Variants in PRDM16 observed in about 807,000 individuals in gnomAD.
PRDM16 encodes histone-lysine N-methyltransferase PRDM16.
A neutral mutation model predicts 110.6 loss-of-function variants in PRDM16; 23 were observed. The ratio of observed to expected loss-of-function variants is 0.21; its 90% CI spans 0.15 to 0.29. PRDM16 has a LOEUF of 0.29. Among genes scored for constraint, PRDM16 ranks in the 10% least tolerant of loss-of-function variants. The probability of loss-of-function intolerance (pLI) is 1.00; values close to 1 mark genes in which losing one functional copy is unlikely to be tolerated. For missense variants in PRDM16, 1,615 were observed against 1,794.3 expected, an observed-to-expected ratio of 0.90 and a Z score of 1.81; for synonymous variants, 799 against 781.8, an observed-to-expected ratio of 1.02 and a Z score of -0.37.
At chr1:3,287,467 C>T (rs1424273444) in intron 3 of PRDM16, among the ~76,000 whole-genome samples, 9 of 80,142 alleles carry the variant, frequency 1.1e-4, no homozygotes, top group African/African-American at 4.2e-4. Context: ...GCCCCTGCCA[C>T]GCGGGCATCC....
At chr1:3,415,736 C>T (rs370189573) in intron 10 of PRDM16, among the ~76,000 whole-genome samples, 2 of 152,238 alleles carry the variant, frequency 1.3e-5, no homozygotes, top group East Asian at 1.9e-4. Flanking sequence ...TGCCCGCTGC[C>T]CCCACGGGCC....
chr1:3,137,258 A>G (rs1643458846), intron 1 of PRDM16, among the ~76,000 whole-genome samples: 1 of 152,020 alleles, frequency 6.6e-6, no homozygotes. Context: ...TCTTCTCCCC[A>G]CGCTGACCTG....
chr1:3,299,655 A>G (rs1224565259), intron 3 of PRDM16, among the ~76,000 whole-genome samples: 2 of 110,392 alleles, frequency 1.8e-5, no homozygotes, highest in African/African-American at 3.5e-5. Flanking sequence ...TGAAGATGCT[A>G]TGCTGTGGCC....
At chr1:3,113,919 T>C (rs1022479603) in intron 1 of PRDM16, among the ~76,000 whole-genome samples, 13 of 152,276 alleles carry the variant, frequency 8.5e-5, no homozygotes, top group Non-Finnish European at 1.5e-4. Context: ...CTGTTTCATT[T>C]TGAGGGAGAA....
intron 3 of PRDM16, among the ~76,000 whole-genome samples, chr1:3,372,013 C>T (rs1053218578): frequency 1.3e-5 from 2 of 152,232 alleles, no homozygotes; most frequent in African/African-American, 2.4e-5. Flanking sequence ...GAGCTGCTCC[C>T]GCTCAAATGT....
At chr1:3,298,527 G>A (rs182802553) in intron 3 of PRDM16, among the ~76,000 whole-genome samples, 140 of 152,362 alleles carry the variant, frequency 9.2e-4, no homozygotes, top group African/African-American at 3.2e-3. Context: ...GGAGAGGGCA[G>A]CCCCGGATGA....
At position 3,402,949 on chromosome 1, in the gene PRDM16, C is replaced by G; in HGVS notation, c.835C>G (p.Gln279Glu). The change falls in exon 6 of 17, where the codon CAA becomes GAA. Residue 279 changes from glutamine (Q) to glutamate (E), a missense_variant. By Grantham distance (29) the Gln-to-Glu change is conservative. Transcript: ENST00000270722. ...KPEGLGGGSG[Q>E]AHECKDCERM... ...CGAGGGCCTTGGCGGTGGCAGCGGCCAAGCCCACGAGTGCAAGGACTGCGA... is the reference window on the plus strand; with the variant it reads ...CGAGGGCCTTGGCGGTGGCAGCGGCGAAGCCCACGAGTGCAAGGACTGCGA... 2 of 1,612,814 alleles carry G rather than the reference C, an allele frequency of 1.2e-6. No homozygotes were observed. The highest frequency in any genetic ancestry group is 1.7e-6 in the Non-Finnish European group (2 of 1,179,952).
At chr1:3,090,948 C>T (rs1037803447) in intron 1 of PRDM16, among the ~76,000 whole-genome samples, 1 of 152,220 alleles carries the variant, frequency 6.6e-6, no homozygotes, top group Non-Finnish European at 1.5e-5. Context: ...TATGGGGAGC[C>T]ACGAACGAGA....
chr1:3,079,028 G>T (rs1177530872), intron 1 of PRDM16, among the ~76,000 whole-genome samples: 1 of 152,232 alleles, frequency 6.6e-6, no homozygotes, highest in Non-Finnish European at 1.5e-5. Context: ...AACGGTGACC[G>T]CAGGGTGGCT....
rs994086253 is a variant in PRDM16, at chr1:3,431,046, C to T, written c.3459C>T (p.Tyr1153=). The T allele has an allele frequency of 1.7e-5, 26 of 1,560,874 alleles. No individual in the cohort carries two copies. Among genetic ancestry groups the T allele is most frequent in the East Asian group, 4.8e-5 (2 of 41,674 alleles). Residue 1153 remains tyrosine (Y), a synonymous_variant, in exon 15 of 17, where the codon TAC becomes TAT. Coordinates refer to ENST00000270722, the MANE Select transcript of PRDM16 (RefSeq NM_022114.4). ...CCGCACCCGAGCCCCAGGCCGCCTACGAGGATGAGGAGGATGAGGAGCCAG... is the reference window on the plus strand; with the variant it reads ...CCGCACCCGAGCCCCAGGCCGCCTATGAGGATGAGGAGGATGAGGAGCCAG... ...VSPAPEPQAA[Y]EDEEDEEPAA...
chr1:3,085,643 A>G (rs909108068), intron 1 of PRDM16, among the ~76,000 whole-genome samples: 6 of 152,208 alleles, frequency 3.9e-5, no homozygotes, highest in African/African-American at 1.4e-4. Flanking sequence ...GGTGTCATCA[A>G]GAACGGGTGG....
intron 1 of PRDM16, among the ~76,000 whole-genome samples, chr1:3,117,379 G>C (rs1642985408): frequency 6.6e-6 from 1 of 152,176 alleles, no homozygotes; most frequent in Non-Finnish European, 1.5e-5. Flanking sequence ...CAGGGGTTCG[G>C]AGGGTCTCTG....
intron 3 of PRDM16, among the ~76,000 whole-genome samples, chr1:3,342,522 ATG>A (rs1278179814): frequency 5.3e-5 from 8 of 152,222 alleles, no homozygotes; most frequent in Non-Finnish European, 1.0e-4. Flanking sequence ...TGCCTGTATG[ATG>A]TGTGATATAT....
At chr1:3,319,105 C>T (rs1641680976) in intron 3 of PRDM16, among the ~76,000 whole-genome samples, 1 of 152,112 alleles carries the variant, frequency 6.6e-6, no homozygotes, top group Middle Eastern at 3.2e-3. Context: ...ACCCAGGGAG[C>T]AAAAACACTT....
At chr1:3,152,826 T>C (rs932952157) in intron 1 of PRDM16, among the ~76,000 whole-genome samples, 2 of 152,222 alleles carry the variant, frequency 1.3e-5, no homozygotes, top group Non-Finnish European at 2.9e-5. Flanking sequence ...GTCCCCGTCC[T>C]CAGGCAGGAG....
At chr1:3,225,264 T>C (rs1352961318) in intron 2 of PRDM16, among the ~76,000 whole-genome samples, 2 of 152,228 alleles carry the variant, frequency 1.3e-5, no homozygotes, top group African/African-American at 4.8e-5. Context: ...TCTCATTTCC[T>C]TTAAAATACC....
At chr1:3,151,128 G>A (rs1351803960) in intron 1 of PRDM16, among the ~76,000 whole-genome samples, 12 of 152,188 alleles carry the variant, frequency 7.9e-5, no homozygotes, top group Non-Finnish European at 1.6e-4. Flanking sequence ...TGCCTCCTGC[G>A]TAGCTTAGCT....
chr1:3,099,537 G>C (rs962303611), intron 1 of PRDM16, among the ~76,000 whole-genome samples: 2 of 152,218 alleles, frequency 1.3e-5, no homozygotes, highest in Non-Finnish European at 2.9e-5. Flanking sequence ...CGGCTCCTGG[G>C]GACTGGCTGG....
intron 1 of PRDM16, among the ~76,000 whole-genome samples, chr1:3,141,101 C>T (rs537175836): frequency 6.6e-6 from 1 of 152,278 alleles, no homozygotes; most frequent in Non-Finnish European, 1.5e-5. Flanking sequence ...AAACACTGGA[C>T]ATTATTAAGA....
Sources: allele counts gnomAD v4.1 joint callset (sites outside exome capture counted in the v4.1 genomes callset), GRCh38; gene constraint gnomAD v4.1.1; transcripts MANE v1.5; gene names NCBI Gene and HGNC (gene_info 2026-07-23, HGNC 2026-07-21).